The following SYN2 variants were observed in gnomAD, a reference collection of about 807,000 sequenced individuals.
The protein encoded by SYN2 is synapsin-2.
Under a neutral mutation model 50.9 loss-of-function variants are expected in SYN2, and 19 were observed. The observed-to-expected ratio is 0.37, with a 90% CI of 0.26 to 0.55. SYN2 has a LOEUF of 0.55. Among genes scored for constraint, SYN2 ranks in the 20% least tolerant of loss-of-function variants. The pLI, the probability that SYN2 is intolerant of heterozygous loss-of-function variation, is 0.81. For synonymous variants in SYN2, 255 were observed against 224.9 expected, an observed-to-expected ratio of 1.13 and a Z score of -1.20; for missense variants, 587 against 576.4, an observed-to-expected ratio of 1.02 and a Z score of -0.19.
intron 1 of SYN2, among the ~76,000 whole-genome samples, chr3:12,071,874 G>C (rs904370737): frequency 6.6e-6 from 1 of 152,198 alleles, no homozygotes; most frequent in African/African-American, 2.4e-5. Flanking sequence ...TTTCCTGCCA[G>C]AACACCGAGG....
chr3:12,191,763 C>T lies in SYN2; in HGVS notation c.*1138C>T, dbSNP rs1698448334. On this transcript the variant is annotated 3_prime_UTR_variant, in exon 13 of 13. Transcript: ENST00000621198. ...GCTCCCGGAGGAGTCAATTTAGACT[C>T]ACTTGCCTGGTCTATCATCAAGCTC... is the stretch of plus-strand genomic sequence containing the variant. Among the ~76,000 whole-genome samples, 1 of 152,138 alleles carries T rather than the reference C, an allele frequency of 6.6e-6. No individual in the cohort carries two copies. The highest frequency in any genetic ancestry group is 1.5e-5 in the Non-Finnish European group (1 of 68,020).
At chr3:12,068,915 C>T (rs760507000) in intron 1 of SYN2, among the ~76,000 whole-genome samples, 5 of 152,186 alleles carry the variant, frequency 3.3e-5, no homozygotes, top group Non-Finnish European at 7.3e-5. Flanking sequence ...GGTAGTCACA[C>T]CCCTATTTCT....
intron 5 of SYN2, among the ~76,000 whole-genome samples, chr3:12,157,945 C>G (rs546997626): frequency 6.6e-6 from 1 of 152,356 alleles, no homozygotes; most frequent in East Asian, 1.9e-4. Context: ...TATTGCATCT[C>G]TTGCCATTTG....
chr3:12,044,755 C>G (rs1387713080), intron 1 of SYN2, among the ~76,000 whole-genome samples: 1 of 151,990 alleles, frequency 6.6e-6, no homozygotes, highest in Non-Finnish European at 1.5e-5. Context: ...AGAAAAATAC[C>G]TATAGTACAG....
chr3:12,109,133 G>T (rs1696262584), intron 1 of SYN2, among the ~76,000 whole-genome samples: 1 of 152,140 alleles, frequency 6.6e-6, no homozygotes, highest in Non-Finnish European at 1.5e-5. Flanking sequence ...GTGGACTCAA[G>T]ATAGGAACAC....
chr3:12,183,852 C>G (rs1006594741), intron 11 of SYN2: 14 of 1,026,774 alleles, frequency 1.4e-5, no homozygotes, highest in African/African-American at 1.7e-5. Flanking sequence ...CTCTCCTCCC[C>G]CCAAGCTCAG....
intron 1 of SYN2, among the ~76,000 whole-genome samples, chr3:12,122,650 A>G (rs562661063): frequency 1.3e-5 from 2 of 152,308 alleles, no homozygotes; most frequent in South Asian, 4.1e-4. Context: ...GCTTCCTTTG[A>G]GAATTCATAA....
intron 3 of SYN2, among the ~76,000 whole-genome samples, chr3:12,143,766 T>C (rs978873908): frequency 1.3e-5 from 2 of 152,254 alleles, no homozygotes; most frequent in Admixed American, 1.3e-4. Context: ...CGGGTGTCTT[T>C]TAATATGATG....
intron 1 of SYN2, among the ~76,000 whole-genome samples, chr3:12,115,200 T>C (rs1418884987): frequency 6.6e-6 from 1 of 152,212 alleles, no homozygotes; most frequent in East Asian, 1.9e-4. Context: ...AAATAATTGA[T>C]AAATGGTAGA....
chr3:12,181,752 C>T (rs920423481), intron 10 of SYN2, among the ~76,000 whole-genome samples: 1 of 152,130 alleles, frequency 6.6e-6, no homozygotes, highest in African/African-American at 2.4e-5. Flanking sequence ...ACTATTCTAG[C>T]AAGAAATGAT....
At chr3:12,179,141 A>T (rs1446525840) in intron 10 of SYN2, among the ~76,000 whole-genome samples, 4 of 152,244 alleles carry the variant, frequency 2.6e-5, no homozygotes, top group East Asian at 1.9e-4. Flanking sequence ...TTCTCTGATC[A>T]CTAAGCCCAG....
At chr3:12,146,707 G>A (rs1185325492) in intron 4 of SYN2, among the ~76,000 whole-genome samples, 1 of 152,126 alleles carries the variant, frequency 6.6e-6, no homozygotes, top group Non-Finnish European at 1.5e-5. Flanking sequence ...TGGAAATCTA[G>A]GAGGGCAGTG....
At chr3:12,149,156 G>T (rs1169709000) in intron 4 of SYN2, among the ~76,000 whole-genome samples, 1 of 152,152 alleles carries the variant, frequency 6.6e-6, no homozygotes, top group Non-Finnish European at 1.5e-5. Context: ...AGGCTGTCCT[G>T]GCATCTGTGT....
rs1254086997 is a variant in SYN2, at chr3:12,142,007, T to G, written c.527+11T>G. ...CACAAAGGTTGTCCGGTAAGGGTCT[T>G]TCTGTCCTCAGGATCATTGTGACTG... On this transcript the variant is annotated intron_variant, in intron 3 of 12. Coordinates refer to ENST00000621198, the MANE Select transcript of SYN2 (RefSeq NM_133625.6). 1 of 780,774 alleles carries G rather than the reference T, an allele frequency of 1.3e-6. No individual in the cohort carries two copies. The highest frequency in any genetic ancestry group is 2.4e-6 in the Non-Finnish European group (1 of 417,932). 48.4% of individuals were successfully genotyped at this position (780,774 alleles called of 1,614,324 possible).
At position 12,104,420 on chromosome 3, in the gene SYN2, G is replaced by T. The variant is rs911610662; in HGVS notation, c.378-36231G>T. 2.6e-5 allele frequency among the ~76,000 whole-genome samples: 4 copies of T among 151,484 alleles called. No homozygotes were observed. The Admixed American group carries it at 2.6e-4, about 10-fold the overall frequency. On this transcript the variant is annotated intron_variant, in intron 1 of 12. Coordinates refer to ENST00000621198, the MANE Select transcript of SYN2 (RefSeq NM_133625.6). ...TCAGTACATTCTTTCTTATTTGAAG[G>T]CCAAGCATCAAAAAATCAGTAAAGA...
At chr3:12,143,203 A>G (rs368680419) in intron 3 of SYN2, among the ~76,000 whole-genome samples, 34 of 152,258 alleles carry the variant, frequency 2.2e-4, no homozygotes, top group African/African-American at 6.7e-4. Context: ...TTGGAGTTGT[A>G]TTTCAGGCAT....
intron 1 of SYN2, among the ~76,000 whole-genome samples, chr3:12,060,922 A>G (rs886326922): frequency 4.6e-5 from 7 of 152,216 alleles, no homozygotes; most frequent in Non-Finnish European, 8.8e-5. Flanking sequence ...GATATGACAC[A>G]TATCTTGGAA....
At chr3:12,085,468 A>G (rs1383594233) in intron 1 of SYN2, among the ~76,000 whole-genome samples, 1 of 152,294 alleles carries the variant, frequency 6.6e-6, no homozygotes. Context: ...CTGCAATACA[A>G]TAATAGTAAG....
At chr3:12,173,695 C>T (rs1697988785) in intron 10 of SYN2, among the ~76,000 whole-genome samples, 1 of 152,114 alleles carries the variant, frequency 6.6e-6, no homozygotes. Flanking sequence ...GCAGGTAGAT[C>T]ACGAGGTCAG....
Sources: gnomAD v4.1 joint callset for allele counts (sites outside exome capture counted in the v4.1 genomes callset) on GRCh38, gnomAD v4.1.1 for gene constraint, MANE v1.5 for transcripts, NCBI Gene and HGNC (gene_info 2026-07-23, HGNC 2026-07-21) for gene names.